The following ZFX variants were observed in gnomAD, a reference collection of about 807,000 sequenced individuals.
ZFX encodes the protein zinc finger X-chromosomal protein.
For synonymous variants in ZFX, 196 were observed against 226.8 expected (o/e 0.86, Z 1.22); for missense variants, 362 against 628.3 (o/e 0.58, Z 4.53).
intron 4 of ZFX, among the ~76,000 whole-genome samples, chrX:24,174,213 A>G (rs944224424): frequency 1.8e-5 from 2 of 109,701 alleles, no homozygotes; most frequent in Admixed American, 9.8e-5. Flanking sequence ...ACGCAGTCTC[A>G]AAAGAGAAAA....
rs138302246 is a variant in ZFX, at chrX:24,154,753, T to G, written c.-29+1923T>G. 7.6e-3 allele frequency among the ~76,000 whole-genome samples: 847 copies of G among 112,102 alleles called. 3 individuals carry two copies. Among genetic ancestry groups the G allele is most frequent in the Middle Eastern group, 0.014 (3 of 219 alleles). On this transcript the variant is annotated intron_variant, in intron 3 of 9. Transcript: ENST00000304543. ...AAATGTAAAACAGTGCCACTTGTTTTACTATTTTTTTTTGTTTAGAAAAAT... is the reference window on the plus strand; with the variant it reads ...AAATGTAAAACAGTGCCACTTGTTTGACTATTTTTTTTTGTTTAGAAAAAT...
At chrX:24,165,454 A>G (rs1035877169) in intron 3 of ZFX, among the ~76,000 whole-genome samples, 4 of 112,844 alleles carry the variant, frequency 3.5e-5, no homozygotes, top group Non-Finnish European at 7.5e-5. Context: ...CATATTGCTC[A>G]TTGAGAAGGG....
chrX:24,165,965 A>C (rs1021305732), intron 3 of ZFX, among the ~76,000 whole-genome samples: 3 of 112,824 alleles, frequency 2.7e-5, no homozygotes, highest in Non-Finnish European at 5.6e-5. Context: ...GAACATGGAT[A>C]TTGCTAAATT....
chrX:24,186,581 C>A (rs771490688), intron 5 of ZFX, among the ~76,000 whole-genome samples: 1 of 110,849 alleles, frequency 9.0e-6, no homozygotes, highest in South Asian at 3.9e-4. Context: ...TGTAATCATA[C>A]CATTGTACTT....
Position 24,211,636 on chromosome X carries a change from C to G in ZFX, c.*260C>G, listed in dbSNP as rs10126378. 1 of 319,859 alleles carries G rather than the reference C, an allele frequency of 3.1e-6. No individual in the cohort carries two copies. The highest frequency in any genetic ancestry group is 5.4e-6 in the Non-Finnish European group (1 of 186,862). 26.4% of individuals were successfully genotyped at this position (319,859 alleles called of 1,213,427 possible). ...AATAAAGTAATCCCTGATTCTATAC[C>G]GAAGTTTTATATCTTAGAATTTTAT... On this transcript the variant is annotated 3_prime_UTR_variant, in exon 10 of 10. Coordinates refer to ENST00000304543, the MANE Select transcript of ZFX (RefSeq NM_003410.4).
chrX:24,177,798 A>C, intron 4 of ZFX: 1 of 754,493 alleles, frequency 1.3e-6, no homozygotes, highest in Non-Finnish European at 1.6e-6. Flanking sequence ...AATAGAAGTA[A>C]AAGAAACACA....
Position 24,181,532 on chromosome X carries a change from A to G in ZFX, c.646+1762A>G, listed in dbSNP as rs993153967. ...AGTATAGTGTATTAAAAAAGAAAAA[A>G]GTTCTGGCCTTTGCTGATATTGCTG... On this transcript the variant is annotated intron_variant, in intron 5 of 9. Transcript: ENST00000304543. Among the ~76,000 whole-genome samples the G allele has an allele frequency of 2.7e-5, 3 of 111,881 alleles. No homozygotes were observed. The East Asian group carries it at 8.3e-4, about 31-fold the overall frequency.
At chrX:24,173,718 C>G in intron 4 of ZFX, 1 of 511,604 alleles carries the variant, frequency 2.0e-6, no homozygotes, top group Non-Finnish European at 3.3e-6. Context: ...GTAACTGGGG[C>G]TACAGGTGTG....
At chrX:24,185,913 G>T (rs1936071350) in intron 5 of ZFX, among the ~76,000 whole-genome samples, 1 of 108,001 alleles carries the variant, frequency 9.3e-6, no homozygotes, top group African/African-American at 3.4e-5. Context: ...CAGCCTGGGC[G>T]ACAGAATGAG....
chrX:24,167,700 T>C (rs1022061273), intron 3 of ZFX, among the ~76,000 whole-genome samples: 1 of 112,142 alleles, frequency 8.9e-6, no homozygotes, highest in African/African-American at 3.2e-5. Context: ...AATTCAGGGA[T>C]TCTCTGAGAG....
At chrX:24,177,525 C>G (rs768843882) in intron 4 of ZFX, among the ~76,000 whole-genome samples, 1 of 111,458 alleles carries the variant, frequency 9.0e-6, no homozygotes, top group African/African-American at 3.3e-5. Context: ...GTTGGGGCAG[C>G]TCCTGCTCCA....
chrX:24,204,816 T>C (rs1053249369), intron 5 of ZFX, among the ~76,000 whole-genome samples: 12 of 112,038 alleles, frequency 1.1e-4, no homozygotes, highest in South Asian at 3.7e-4. Context: ...TAGAGAATAT[T>C]GTACCACCTG....
intron 3 of ZFX, among the ~76,000 whole-genome samples, chrX:24,158,544 T>C (rs768458235): frequency 8.9e-6 from 1 of 112,288 alleles, no homozygotes; most frequent in African/African-American, 3.2e-5. Flanking sequence ...TGGGCATCCT[T>C]CTCTAGTTAC....
At chrX:24,206,216 C>A (rs1336275125) in intron 5 of ZFX, among the ~76,000 whole-genome samples, 2 of 112,167 alleles carry the variant, frequency 1.8e-5, no homozygotes, top group African/African-American at 6.5e-5. Flanking sequence ...ACCTTTCTGG[C>A]AATCATGTTT....
chrX:24,183,495 T>C (rs774523389), intron 5 of ZFX, among the ~76,000 whole-genome samples: 2 of 111,250 alleles, frequency 1.8e-5, no homozygotes, highest in African/African-American at 6.5e-5. Flanking sequence ...CCGAAAATGC[T>C]ATTTTAAAAT....
chrX:24,206,502 TG>T (rs1937587109), intron 5 of ZFX, among the ~76,000 whole-genome samples: 3 of 10,391 alleles, frequency 2.9e-4, no homozygotes, highest in African/African-American at 4.1e-4. Flanking sequence ...ATGCCTGGCG[TG>T]TGTGTGTGTG....
Position 24,213,012 on chromosome X carries a change from A to G in ZFX, c.*1636A>G, listed in dbSNP as rs752712997. The G allele has an allele frequency of 1.8e-5, 2 of 110,512 alleles. No homozygotes were observed. The highest frequency in any genetic ancestry group is 9.6e-5 in the Admixed American group (1 of 10,371). 9.1% of individuals were successfully genotyped at this position (110,512 alleles called of 1,213,427 possible). A position where few individuals can be genotyped will look rare whatever the true frequency, so the allele number is the denominator to read the frequency against. ...AACCTCTGCTTCCTGGGTTCAAGCA[A>G]TTATCTGCCTCAGCCTCTCGAGTAG... is the stretch of plus-strand genomic sequence containing the variant. On this transcript the variant is annotated 3_prime_UTR_variant, in exon 10 of 10. Transcript: ENST00000304543.
intron 3 of ZFX, among the ~76,000 whole-genome samples, chrX:24,157,592 A>G (rs754985153): frequency 8.9e-6 from 1 of 111,970 alleles, no homozygotes; most frequent in East Asian, 2.8e-4. Flanking sequence ...GAAATTGCAA[A>G]GTGGGTGTCT....
At chrX:24,149,244 G>GC (rs1325172246), upstream of ZFX, 1 of 110,035 alleles carries the variant, frequency 9.1e-6, no homozygotes, top group Admixed American at 9.4e-5. Context: ...CAGGACCGGC[G>GC]CGAGAGGCGG....
Sources: gnomAD v4.1 joint callset for allele counts (sites outside exome capture counted in the v4.1 genomes callset) on GRCh38, gnomAD v4.1.1 for gene constraint, MANE v1.5 for transcripts, NCBI Gene and HGNC (gene_info 2026-07-23, HGNC 2026-07-21) for gene names.